WDR91: variants seen among roughly 807,000 people sequenced by gnomAD.
WDR91 encodes the protein WD repeat domain 91.
In WDR91, 52 loss-of-function variants were observed where a neutral mutation model predicts 88.4. The observed-to-expected ratio is 0.59, with a 90% CI of 0.47 to 0.74. The LOEUF is 0.74. WDR91 is among the 30% of genes least tolerant of loss of function. The pLI is 0.00. For missense variants in WDR91, 824 were observed against 954.5 expected (o/e 0.86, Z 1.80); for synonymous variants, 362 against 389.5 (o/e 0.93, Z 0.83).
intron 11 of WDR91, among the ~76,000 whole-genome samples, chr7:135,191,267 C>T (rs185270473): frequency 3.9e-4 from 60 of 152,176 alleles, no homozygotes; most frequent in African/African-American, 1.3e-3. Flanking sequence ...AACAAAAATT[C>T]GGTTGTTTAG....
intron 11 of WDR91, among the ~76,000 whole-genome samples, chr7:135,190,549 C>A (rs28541442): frequency 0.019 from 2,874 of 151,062 alleles, 102 homozygotes; most frequent in African/African-American, 0.065. Context: ...AGAATCAGAC[C>A]CACAAAGACT....
chr7:135,191,538 G>A (rs1417507173), intron 11 of WDR91, among the ~76,000 whole-genome samples: 1 of 141,174 alleles, frequency 7.1e-6, no homozygotes, highest in Non-Finnish European at 1.5e-5. Flanking sequence ...TCAGAAGGCG[G>A]ATGTTGTGCT....
chr7:135,201,186 G>C (rs1831555077), intron 6 of WDR91, among the ~76,000 whole-genome samples: 1 of 152,056 alleles, frequency 6.6e-6, no homozygotes, highest in African/African-American at 2.4e-5. Context: ...TCACCAAGTG[G>C]GTGTGAAAGG....
At chr7:135,190,036 C>T (rs578002698) in intron 11 of WDR91, among the ~76,000 whole-genome samples, 141 of 152,268 alleles carry the variant, frequency 9.3e-4, no homozygotes, top group Non-Finnish European at 1.6e-3. Flanking sequence ...ACACAGAGTA[C>T]TGAGCTAGCA....
Position 135,189,455 on chromosome 7 carries a change from A to G in WDR91, c.1660-3T>C. 6.2e-7 allele frequency: 1 copy of G among 1,613,110 alleles called. No individual in the cohort carries two copies. The highest frequency in any genetic ancestry group is 8.5e-7 in the Non-Finnish European group (1 of 1,179,280). On this transcript the variant is annotated splice_region_variant and splice_polypyrimidine_tract_variant and intron_variant, in intron 11 of 14. Coordinates refer to ENST00000354475, the MANE Select transcript of WDR91 (RefSeq NM_014149.4). The stretch of plus-strand genomic sequence containing the variant: ...TCTGGATCCAGGGAGAACTGGAGCT[A>G]TTGAAATAAAACAAAAATGTCAGTA...
chr7:135,187,232 A>G, intron 13 of WDR91, 63 bp from the exon 14 acceptor site: 1 of 1,574,688 alleles, frequency 6.4e-7, no homozygotes. Flanking sequence ...GCCTCAAGGA[A>G]GAGCCAGGAC....
At position 135,209,692 on chromosome 7, in the gene WDR91, C is replaced by T; in HGVS notation, c.187G>A (p.Asp63Asn). 1.2e-6 allele frequency: 2 copies of T among 1,613,608 alleles called. No homozygotes were observed. Among genetic ancestry groups the T allele is most frequent in the Non-Finnish European group, 1.7e-6 (2 of 1,179,732 alleles). ...MQVYDLAALRDYWSYLERRLF... is the reference protein window; with the variant it reads ...MQVYDLAALRNYWSYLERRLF... ...CGACGCTCCAAGTAGCTCCAATAAT[C>T]CCGAAGGGCAGCCAAGTCATACACC... is the stretch of plus-strand genomic sequence containing the variant. The change falls in exon 2 of 15, where the codon GAT (aspartate) becomes AAT (asparagine). Residue 63 changes from aspartate (D) to asparagine (N), a missense_variant. Physicochemically the swap from Asp to Asn is conservative, Grantham distance 23. Coordinates refer to ENST00000354475, the MANE Select transcript of WDR91 (RefSeq NM_014149.4).
chr7:135,194,456 C>T (rs1831288687), intron 9 of WDR91, among the ~76,000 whole-genome samples: 3 of 152,214 alleles, frequency 2.0e-5, no homozygotes, highest in African/African-American at 7.2e-5. Flanking sequence ...GGCAATTTTA[C>T]CTCCTTAACT....
rs768128991 is a variant in WDR91 at position 135,186,220 on chromosome 7, A to G, written c.2175T>C (p.Cys725=). ...VTVDWSTAMD[C]GTCLTASMDG... ...CCATGGAGGCGGTGAGGCAGGTCCC[A>G]CAGTCCATGGCAGTGCTCCAGTCCA... The change falls in exon 15 of 15, where the codon TGT becomes TGC. Residue 725 remains cysteine (C), a synonymous_variant. Coordinates refer to ENST00000354475, the MANE Select transcript of WDR91 (RefSeq NM_014149.4). 1.2e-6 allele frequency: 2 copies of G among 1,608,874 alleles called. No homozygotes were observed. Among genetic ancestry groups the G allele is most frequent in the African/African-American group, 2.7e-5 (2 of 74,462 alleles).
Position 135,206,094 on chromosome 7 carries a change from C to T in WDR91, c.595-36G>A, listed in dbSNP as rs1209792670. 5 of 1,613,898 alleles carry T rather than the reference C, an allele frequency of 3.1e-6. No individual in the cohort carries two copies. In the Middle Eastern group the frequency reaches 6.6e-4, roughly 215 times the overall value. The stretch of plus-strand genomic sequence containing the variant: ...GTGGGACTGAGTTAGCCAATGATCT[C>T]ACCTAACCTTCCCTCTGCGGAGGAA... On this transcript the variant is annotated intron_variant, in intron 4 of 14. Coordinates refer to ENST00000354475, the MANE Select transcript of WDR91 (RefSeq NM_014149.4).
At chr7:135,192,263 G>A (rs920093171) in intron 11 of WDR91, among the ~76,000 whole-genome samples, 3 of 152,018 alleles carry the variant, frequency 2.0e-5, no homozygotes. Context: ...GACTACAAGT[G>A]AGCACCACCA....
rs887763160 is a variant in WDR91, at chr7:135,186,100, C to T, written c.*51G>A. 6 of 1,531,012 alleles carry T rather than the reference C, an allele frequency of 3.9e-6. No individual in the cohort carries two copies. In the Admixed American group the frequency reaches 9.0e-5, roughly 23 times the overall value. The allele number at this position is 1,531,012 out of a possible 1,614,324, so 94.8% of individuals were successfully genotyped here. A position where few individuals can be genotyped will look rare whatever the true frequency, so the allele number is the denominator to read the frequency against. ...GTGGTTTTCCTGTCCTATATCTCCT[C>T]CCCCCACCGCAGATAATACTGCTTC... On this transcript the variant is annotated 3_prime_UTR_variant, in exon 15 of 15. Coordinates refer to ENST00000354475, the MANE Select transcript of WDR91 (RefSeq NM_014149.4).
At chr7:135,203,310 G>A (rs1352075375) in intron 6 of WDR91, among the ~76,000 whole-genome samples, 1 of 152,212 alleles carries the variant, frequency 6.6e-6, no homozygotes, top group Non-Finnish European at 1.5e-5. Context: ...TGTGCCACTT[G>A]CAACTGGTCT....
intron 11 of WDR91, 62 bp from the exon 12 acceptor site, chr7:135,189,514 T>G: frequency 7.2e-7 from 1 of 1,394,822 alleles, no homozygotes; most frequent in East Asian, 2.3e-5. Context: ...ACGCTGCTTA[T>G]TCCAATGCAG....
chr7:135,204,436 G>C lies in WDR91; in HGVS notation c.726-3C>G. The C allele has an allele frequency of 1.2e-6, 2 of 1,613,924 alleles. No individual in the cohort carries two copies. Among genetic ancestry groups the C allele is most frequent in the Non-Finnish European group, 8.5e-7 (1 of 1,179,892 alleles). ...TCCTTTGGCTGCACACCATGGCACT[G>C]GTCAGCAAACACACCACAGGGTCAG... is the stretch of plus-strand genomic sequence containing the variant. On this transcript the variant is annotated splice_region_variant and splice_polypyrimidine_tract_variant and intron_variant, in intron 5 of 14. Coordinates refer to ENST00000354475, the MANE Select transcript of WDR91 (RefSeq NM_014149.4).
At position 135,209,688 on chromosome 7, in the gene WDR91, T is replaced by G; in HGVS notation, c.191A>C (p.Tyr64Ser). Residue 64 changes from tyrosine (Y) to serine (S), a missense_variant, in exon 2 of 15, where the codon TAT (tyrosine) becomes TCT (serine). By Grantham distance (144) the Tyr-to-Ser change is moderately radical. Coordinates refer to ENST00000354475, the MANE Select transcript of WDR91 (RefSeq NM_014149.4). Reference sequence around the variant, plus strand: ...GAGCCGACGCTCCAAGTAGCTCCAATAATCCCGAAGGGCAGCCAAGTCATA... The same window carrying G: ...GAGCCGACGCTCCAAGTAGCTCCAAGAATCCCGAAGGGCAGCCAAGTCATA... ...QVYDLAALRD[Y>S]WSYLERRLFS... 6.2e-7 allele frequency: 1 copy of G among 1,613,664 alleles called. No individual in the cohort carries two copies. Among genetic ancestry groups the G allele is most frequent in the African/African-American group, 1.3e-5 (1 of 75,010 alleles).
intron 9 of WDR91, among the ~76,000 whole-genome samples, chr7:135,194,068 G>A (rs947260827): frequency 6.6e-5 from 10 of 152,178 alleles, no homozygotes; most frequent in Non-Finnish European, 1.3e-4. Flanking sequence ...GGCTGCCACA[G>A]GGCCTGGGTG....
chr7:135,203,494 G>A (rs1375372271), intron 6 of WDR91, among the ~76,000 whole-genome samples: 2 of 152,192 alleles, frequency 1.3e-5, no homozygotes, highest in East Asian at 3.8e-4. Context: ...ACCCTTGGCT[G>A]TTTTGGATAT....
intron 3 of WDR91, 112 bp from the exon 4 acceptor site, chr7:135,207,314 G>C (rs1340271746): frequency 1.1e-6 from 1 of 897,002 alleles, no homozygotes; most frequent in Non-Finnish European, 1.8e-6. Context: ...ACAGAGTATA[G>C]GAGCGGTGCT....
Sources: allele counts gnomAD v4.1 joint callset (sites outside exome capture counted in the v4.1 genomes callset), GRCh38; gene constraint gnomAD v4.1.1; transcripts MANE v1.5; gene names NCBI Gene and HGNC (gene_info 2026-07-23, HGNC 2026-07-21).